Variants in DNM3 observed in about 807,000 individuals in gnomAD.
The protein encoded by DNM3 is dynamin 3.
In DNM3, 47 loss-of-function variants were observed where a neutral mutation model predicts 101.6. That is an observed-to-expected ratio of 0.46 (90% CI 0.37 to 0.59). The LOEUF (loss-of-function observed/expected upper bound fraction) is 0.59. Ranked by LOEUF, DNM3 falls within the 20% of genes least tolerant of loss-of-function variation. The probability of loss-of-function intolerance (pLI) is 0.00; values close to 1 mark genes in which losing one functional copy is unlikely to be tolerated. For synonymous variants in DNM3, 385 were observed against 387.9 expected (o/e 0.99, Z 0.09); for missense variants, 849 against 1,085.7 (o/e 0.78, Z 3.06).
At chr1:172,288,889 T>C (rs997416464) in intron 15 of DNM3, among the ~76,000 whole-genome samples, 5 of 152,296 alleles carry the variant, frequency 3.3e-5, no homozygotes, top group Admixed American at 3.3e-4. Context: ...TAAATGCAAG[T>C]AGTCTCTTAG....
intron 13 of DNM3, among the ~76,000 whole-genome samples, chr1:172,108,437 A>G (rs893674172): frequency 2.0e-5 from 3 of 152,184 alleles, no homozygotes; most frequent in Non-Finnish European, 2.9e-5. Flanking sequence ...TGAAAGAGTT[A>G]ATGCAGGTCT....
intron 20 of DNM3, among the ~76,000 whole-genome samples, chr1:172,404,323 A>C (rs1348915883): frequency 6.7e-6 from 1 of 149,398 alleles, no homozygotes; most frequent in Non-Finnish European, 1.5e-5. Context: ...CATAATGAAT[A>C]AGTTATCCTG....
intron 18 of DNM3, among the ~76,000 whole-genome samples, chr1:172,383,053 C>T (rs2069000911): frequency 6.6e-6 from 1 of 152,016 alleles, no homozygotes; most frequent in Admixed American, 6.6e-5. Flanking sequence ...ATCTTAAATA[C>T]CAGAGCTTTA....
chr1:172,310,795 T>G (rs2065047602), intron 16 of DNM3: 1 of 152,224 alleles, frequency 6.6e-6, no homozygotes, highest in Non-Finnish European at 1.5e-5. Flanking sequence ...GGGGCGAGCC[T>G]TTTGAATTTT....
chr1:172,301,696 A>C (rs1339474361), intron 15 of DNM3, among the ~76,000 whole-genome samples: 2 of 152,184 alleles, frequency 1.3e-5, no homozygotes, highest in East Asian at 3.8e-4. Flanking sequence ...ATCATCATAC[A>C]TTTATATGAA....
chr1:172,397,243 T>C (rs879375024), intron 20 of DNM3: 4 of 152,638 alleles, frequency 2.6e-5, no homozygotes. Context: ...TAAAACTTCA[T>C]GTGAGGCAAA....
At chr1:172,025,258 C>G (rs1255545503) in intron 4 of DNM3, among the ~76,000 whole-genome samples, 1 of 152,238 alleles carries the variant, frequency 6.6e-6, no homozygotes, top group Non-Finnish European at 1.5e-5. Context: ...TTAGATTCCT[C>G]CTCTCTGGGC....
chr1:171,924,569 C>G (rs574657242), intron 2 of DNM3, among the ~76,000 whole-genome samples: 14 of 152,228 alleles, frequency 9.2e-5, no homozygotes, highest in African/African-American at 2.9e-4. Flanking sequence ...AGGGGAGGAG[C>G]CCCTTAAAAC....
At chr1:172,205,811 A>G (rs962174205) in intron 14 of DNM3, among the ~76,000 whole-genome samples, 1 of 152,132 alleles carries the variant, frequency 6.6e-6, no homozygotes, top group Admixed American at 6.6e-5. Flanking sequence ...CTTCTTTAAT[A>G]CTACACCAAA....
At chr1:172,038,284 T>C in intron 6 of DNM3, 35 bp from the exon 7 acceptor site, 1 of 1,611,726 alleles carries the variant, frequency 6.2e-7, no homozygotes, top group Non-Finnish European at 8.5e-7. Context: ...TATGATTCAA[T>C]CTTCAATCTG....
At chr1:172,290,454 A>G (rs1294584970) in intron 15 of DNM3, among the ~76,000 whole-genome samples, 1 of 152,196 alleles carries the variant, frequency 6.6e-6, no homozygotes, top group African/African-American at 2.4e-5. Context: ...ACTGCAAATA[A>G]AAAGGCCAAT....
intron 13 of DNM3, among the ~76,000 whole-genome samples, chr1:172,114,484 A>G (rs545451966): frequency 2.4e-4 from 36 of 152,308 alleles, no homozygotes; most frequent in African/African-American, 7.5e-4. Flanking sequence ...CTAAGACTCT[A>G]TATACTTATG....
intron 11 of DNM3, among the ~76,000 whole-genome samples, chr1:172,071,171 A>G (rs1001181754): frequency 6.9e-6 from 1 of 145,940 alleles, no homozygotes; most frequent in Non-Finnish European, 1.5e-5. Context: ...CCAAAGAGCT[A>G]TGGCACATGG....
chr1:171,995,111 T>G (rs1424248485), intron 4 of DNM3, among the ~76,000 whole-genome samples: 2 of 146,128 alleles, frequency 1.4e-5, no homozygotes, highest in Non-Finnish European at 3.0e-5. Context: ...TTTTTTTTTT[T>G]TTTTTTTTTT....
At chr1:172,390,678 A>C (rs542316985) in intron 20 of DNM3, among the ~76,000 whole-genome samples, 1 of 152,346 alleles carries the variant, frequency 6.6e-6, no homozygotes, top group East Asian at 1.9e-4. Flanking sequence ...GAATTTCCGC[A>C]TTGAGCCTTG....
At chr1:171,955,502 AG>A (rs1323034220) in intron 2 of DNM3, among the ~76,000 whole-genome samples, 13 of 152,214 alleles carry the variant, frequency 8.5e-5, no homozygotes, top group Admixed American at 8.5e-4. Context: ...GGGGAGTCAA[AG>A]ACTTAAATGG....
intron 4 of DNM3, among the ~76,000 whole-genome samples, chr1:172,030,141 A>G (rs1188401730): frequency 6.6e-6 from 1 of 152,132 alleles, no homozygotes; most frequent in Non-Finnish European, 1.5e-5. Context: ...GCCTCATACT[A>G]CCTGACTTCA....
intron 7 of DNM3, among the ~76,000 whole-genome samples, chr1:172,041,530 C>G (rs2049387503): frequency 6.6e-6 from 1 of 152,118 alleles, no homozygotes. Flanking sequence ...TGTGGAGAAA[C>G]TATTTCTCAA....
intron 15 of DNM3, among the ~76,000 whole-genome samples, chr1:172,282,291 G>A (rs552117346): frequency 6.6e-6 from 1 of 152,148 alleles, no homozygotes; most frequent in Non-Finnish European, 1.5e-5. Flanking sequence ...ACTTTCTCCA[G>A]GAACATTTCC....
Sources: allele counts gnomAD v4.1 joint callset (sites outside exome capture counted in the v4.1 genomes callset), GRCh38; gene constraint gnomAD v4.1.1; transcripts MANE v1.5; gene names NCBI Gene and HGNC (gene_info 2026-07-23, HGNC 2026-07-21).